The following IPO7 variants were observed in gnomAD, a reference collection of about 807,000 sequenced individuals.
IPO7 encodes importin-7.
IPO7 carries 13 observed loss-of-function variants against 136.4 expected under a neutral mutation model. The observed-to-expected ratio is 0.10, with a 90% CI of 0.06 to 0.15. The LOEUF is 0.15. Among genes scored for constraint, IPO7 ranks in the 10% least tolerant of loss-of-function variants. The pLI is 1.00. For missense variants in IPO7, 857 were observed against 1,240.6 expected (o/e 0.69, Z 4.65); for synonymous variants, 403 against 404.4 (o/e 1.00, Z 0.04).
intron 1 of IPO7, among the ~76,000 whole-genome samples, chr11:9,391,799 A>T (rs1275279745): frequency 6.6e-6 from 1 of 152,138 alleles, no homozygotes. Flanking sequence ...AGGGTTTCAC[A>T]CTGTTACCCA....
Position 9,428,565 on chromosome 11 carries a change from A to G in IPO7, c.1361A>G (p.Glu454Gly). Residue 454 changes from glutamate (E) to glycine (G), a missense_variant, in exon 13 of 25, where the codon GAA becomes GGA. Glu to Gly is a moderately conservative substitution (Grantham distance 98, BLOSUM62 -2). Transcript: ENST00000379719. ...AAAAAGATCTATAAAGATCAGATGG[A>G]ATACATGTTGCAGAATCATGTATTC... is the stretch of plus-strand genomic sequence containing the variant. ...LKKKIYKDQM[E>G]YMLQNHVFPL... 3.2e-6 allele frequency: 5 copies of G among 1,542,212 alleles called. No individual in the cohort carries two copies. The highest frequency in any genetic ancestry group is 4.5e-6 in the Non-Finnish European group (5 of 1,122,272).
At chr11:9,399,350 G>A (rs936387454) in intron 1 of IPO7, among the ~76,000 whole-genome samples, 4 of 151,908 alleles carry the variant, frequency 2.6e-5, no homozygotes, top group Admixed American at 6.6e-5. Flanking sequence ...TAGTAGAGAC[G>A]GGGTTTCTCC....
chr11:9,436,868 A>ATATT (rs1855382626), intron 20 of IPO7, among the ~76,000 whole-genome samples: 1 of 18,228 alleles, frequency 5.5e-5, no homozygotes, highest in Non-Finnish European at 9.0e-5. Flanking sequence ...ATATATATAT[A>ATATT]TTTTTTTTTT....
rs1039489399 is a variant in IPO7, at chr11:9,396,773, A to T, written c.85-6517A>T. On this transcript the variant is annotated intron_variant, in intron 1 of 24. Transcript: ENST00000379719. ...CAGTATTTCATTTTTTAAATTGCCG[A>T]ATAGCATTCTATTGTATGTATCGAT... 4.6e-5 allele frequency among the ~76,000 whole-genome samples: 7 copies of T among 152,344 alleles called. No homozygotes were observed. In the South Asian group the frequency reaches 1.4e-3, roughly 32 times the overall value.
chr11:9,397,355 TA>T lies in IPO7; in HGVS notation c.85-5934del, dbSNP rs1564992037. 2.2e-4 allele frequency among the ~76,000 whole-genome samples: 9 copies of T among 40,074 alleles called. 2 individuals are homozygous for T. Among genetic ancestry groups the T allele is most frequent in the African/African-American group, 8.1e-4 (9 of 11,180 alleles). 26.3% of individuals were successfully genotyped at this position (40,074 alleles called of 152,430 possible). A position where few individuals can be genotyped will look rare whatever the true frequency, so the allele number is the denominator to read the frequency against. On this transcript the variant is annotated intron_variant, in intron 1 of 24. Coordinates refer to ENST00000379719, the MANE Select transcript of IPO7 (RefSeq NM_006391.3). ...ATTTAAAAAAAAATATATATATATA[TA>T]TATATATATTAGTCGGGCACGGTGG...
At chr11:9,441,877 G>C (rs183785891) in intron 23 of IPO7, among the ~76,000 whole-genome samples, 1 of 152,120 alleles carries the variant, frequency 6.6e-6, no homozygotes, top group South Asian at 2.1e-4. Context: ...AGAGTTTTTG[G>C]AGCCATAAAG....
intron 24 of IPO7, among the ~76,000 whole-genome samples, chr11:9,443,982 A>T (rs901472929): frequency 1.3e-5 from 2 of 148,338 alleles, no homozygotes; most frequent in African/African-American, 5.0e-5. Context: ...AATTTTTAAA[A>T]GTACATTTTA....
At position 9,429,775 on chromosome 11, in the gene IPO7, A is replaced by G; in HGVS notation, c.1693A>G (p.Met565Val). 1 of 1,607,138 alleles carries G rather than the reference A, an allele frequency of 6.2e-7. No individual in the cohort carries two copies. The change falls in exon 15 of 25, where the codon ATG becomes GTG. Residue 565 changes from methionine to valine, a missense_variant. Around this residue, in one of 11 missense-constraint regions of IPO7, gnomAD observed 58 missense variants for 122.1 expected, o/e 0.47. Transcript: ENST00000379719. ...TGACCTTACCAATGTAATTCAGAAA[A>G]TGATCTGTGAATATAGTGAAGAAGT... ...NDDLTNVIQK[M>V]ICEYSEEVTP...
At chr11:9,397,341 A>AAAAAAAAAAAATATATATATATATATAT in intron 1 of IPO7, among the ~76,000 whole-genome samples, 5 of 10,760 alleles carry the variant, frequency 4.6e-4, no homozygotes, top group Admixed American at 4.2e-3. Context: ...TTTAAAAAAA[A>AAAAAAAAAAAATATATATATATATATAT]ATATATATAT....
chr11:9,401,276 G>A (rs556479222), intron 1 of IPO7, among the ~76,000 whole-genome samples: 2 of 152,228 alleles, frequency 1.3e-5, no homozygotes, highest in East Asian at 3.9e-4. Context: ...GACAGTATAA[G>A]TGGTGGTTAT....
intron 22 of IPO7, 88 bp downstream of exon 22, chr11:9,438,373 TC>T: frequency 2.5e-6 from 2 of 807,570 alleles, no homozygotes; most frequent in Non-Finnish European, 4.1e-6. Flanking sequence ...AGGCCTGTAA[TC>T]CCAGCACTTT....
chr11:9,420,389 T>G lies in IPO7; in HGVS notation c.727-22T>G, dbSNP rs775824494. 19 of 1,465,170 alleles carry G rather than the reference T, an allele frequency of 1.3e-5. No individual in the cohort carries two copies. The East Asian group carries it at 4.1e-4, about 31-fold the overall frequency. 90.8% of individuals were successfully genotyped at this position (1,465,170 alleles called of 1,614,324 possible). On this transcript the variant is annotated intron_variant, in intron 6 of 24. Coordinates refer to ENST00000379719, the MANE Select transcript of IPO7 (RefSeq NM_006391.3). The stretch of plus-strand genomic sequence containing the variant: ...CTCCTATATTGTATTATCTCTATCA[T>G]TAAATAAGTGTCTTTTTAAAGGAAA...
At chr11:9,433,515 T>C (rs1006660814) in intron 16 of IPO7, 55 bp from the exon 17 acceptor site, 1 of 1,219,832 alleles carries the variant, frequency 8.2e-7, no homozygotes, top group Non-Finnish European at 1.2e-6. Context: ...TGCGTTGTCT[T>C]ACTAAGTCAT....
chr11:9,425,465 G>A (rs1253339445), intron 12 of IPO7: 5 of 520,046 alleles, frequency 9.6e-6, no homozygotes, highest in Non-Finnish European at 1.7e-5. Context: ...AATAGGCCGG[G>A]TGTGGTGGCT....
chr11:9,428,444 A>G, intron 12 of IPO7, 96 bp from the exon 13 acceptor site: 2 of 536,380 alleles, frequency 3.7e-6, no homozygotes, highest in South Asian at 7.5e-5. Context: ...AATATATGTA[A>G]CATTAATAGT....
rs1411228122 is a variant in IPO7, at chr11:9,408,557, C to G, written c.238C>G (p.Pro80Ala). Residue 80 changes from proline (P) to alanine (A), a missense_variant, in exon 3 of 25, where the codon CCT becomes GCT. Physicochemically the swap from Pro to Ala is conservative, Grantham distance 27. Coordinates refer to ENST00000379719, the MANE Select transcript of IPO7 (RefSeq NM_006391.3). ...DRETAPGDIS[P>A]YTIPEEDRHC... ...AGAAACAGCACCAGGGGATATATCC[C>G]CTTATACTATTCCAGAAGAAGATCG... The G allele has an allele frequency of 1.9e-6, 3 of 1,609,876 alleles. No homozygotes were observed. The East Asian group carries it at 6.7e-5, about 36-fold the overall frequency.
chr11:9,443,194 A>G (rs1855481784), intron 24 of IPO7, among the ~76,000 whole-genome samples: 2 of 151,828 alleles, frequency 1.3e-5, no homozygotes, highest in Admixed American at 1.3e-4. Flanking sequence ...CAAGAGCAAA[A>G]GTCTGTCTCA....
intron 22 of IPO7, 66 bp downstream of exon 22, chr11:9,438,351 G>A (rs1275201379): frequency 3.9e-6 from 4 of 1,032,042 alleles, no homozygotes; most frequent in African/African-American, 1.6e-5. Flanking sequence ...ACTGGGCCGG[G>A]CGCAGTGGCT....
intron 4 of IPO7, among the ~76,000 whole-genome samples, chr11:9,412,591 G>A (rs1564996533): frequency 1.3e-5 from 2 of 152,250 alleles, no homozygotes; most frequent in South Asian, 2.1e-4. Flanking sequence ...TGAGGCAGGC[G>A]AATCACTTGA....
Sources: allele counts gnomAD v4.1 joint callset (sites outside exome capture counted in the v4.1 genomes callset), GRCh38; gene constraint gnomAD v4.1.1; regional missense constraint gnomAD v4.1.1; transcripts MANE v1.5; gene names NCBI Gene and HGNC (gene_info 2026-07-23, HGNC 2026-07-21).